Variants in MTCL1 observed in about 807,000 individuals in gnomAD.
The protein encoded by MTCL1 is microtubule cross-linking factor 1.
MTCL1 carries 79 observed loss-of-function variants against 141.4 expected under a neutral mutation model. The ratio of observed to expected loss-of-function variants is 0.56; its 90% CI spans 0.47 to 0.67. The LOEUF (loss-of-function observed/expected upper bound fraction) is 0.67. MTCL1 is among the 30% of genes least tolerant of loss of function. The pLI is 0.00. For missense variants in MTCL1, 2,177 were observed against 2,113.9 expected, an observed-to-expected ratio of 1.03 and a Z score of -0.59; for synonymous variants, 914 against 875.8, an observed-to-expected ratio of 1.04 and a Z score of -0.77.
chr18:8,784,966 A>G (rs1205724336), intron 6 of MTCL1, 123 bp downstream of exon 5: 19 of 813,296 alleles, frequency 2.3e-5, no homozygotes, highest in Admixed American at 2.1e-4. Context: ...CCTGCATTGT[A>G]CTAAAGCCTC....
intron 6 of MTCL1, 52 bp downstream of exon 5, chr18:8,784,895 C>G (rs796643807): frequency 6.8e-7 from 1 of 1,467,078 alleles, no homozygotes; most frequent in South Asian, 1.3e-5. Context: ...CTTCCTCCTT[C>G]TCGCTGGCAT....
At position 8,779,618 on chromosome 18, in the gene MTCL1, G is replaced by C. The variant is rs776221642; in HGVS notation, c.417+1726G>C. Among the ~76,000 whole-genome samples, 2 of 152,078 alleles carry C rather than the reference G, an allele frequency of 1.3e-5. No individual in the cohort carries two copies. The highest frequency in any genetic ancestry group is 2.9e-5 in the Non-Finnish European group (2 of 68,014). On this transcript the variant is annotated intron_variant, in intron 5 of 16. Transcript: ENST00000359865. This position sits in a 1 kb window ranked among gnomAD's most constrained non-coding sequence, Gnocchi z 4.1. ...ACACCCGGCAGGTGCAGCGGGCCCTGCTCCAGCTGCCTCGACCTCACGGAA... is the reference window on the plus strand; with the variant it reads ...ACACCCGGCAGGTGCAGCGGGCCCTCCTCCAGCTGCCTCGACCTCACGGAA...
Position 8,779,219 on chromosome 18 carries a change from C to G in MTCL1, c.417+1327C>G, listed in dbSNP as rs2096524416. On this transcript the variant is annotated intron_variant, in intron 5 of 16. Coordinates refer to ENST00000359865, the Ensembl canonical transcript of MTCL1. This position sits in a 1 kb window ranked among gnomAD's most constrained non-coding sequence, Gnocchi z 4.1. ...ATTTCTGTTGCTTGACAAGGCCTTT[C>G]CCGCTGGTGGTGATGGTGGTGGGCC... Among the ~76,000 whole-genome samples, 1 of 152,152 alleles carries G rather than the reference C, an allele frequency of 6.6e-6. No individual in the cohort carries two copies. Among genetic ancestry groups the G allele is most frequent in the Non-Finnish European group, 1.5e-5 (1 of 68,032 alleles).
At chr18:8,714,149 A>G (rs911853207), upstream of MTCL1, among the ~76,000 whole-genome samples, 2 of 152,204 alleles carry the variant, frequency 1.3e-5, no homozygotes, top group African/African-American at 4.8e-5. Context: ...GTTGAAGCAA[A>G]TAATTTATGG....
intron 5 of MTCL1, chr18:8,782,133 T>C (rs2096534656): frequency 6.6e-6 from 1 of 152,192 alleles, no homozygotes; most frequent in South Asian, 2.1e-4. Flanking sequence ...CGAGCCATGC[T>C]CTCTGAGTGT....
intron 1 of MTCL1, among the ~76,000 whole-genome samples, chr18:8,710,886 T>C (rs1413991105): frequency 4.3e-5 from 3 of 70,534 alleles, no homozygotes; most frequent in African/African-American, 1.6e-4. Flanking sequence ...TTTTTTTTTT[T>C]ACTTTTTTTT....
chr18:8,755,209 C>A (rs573383592), intron 4 of MTCL1, among the ~76,000 whole-genome samples: 1 of 152,228 alleles, frequency 6.6e-6, no homozygotes, highest in African/African-American at 2.4e-5. Context: ...AGGTCACACG[C>A]GTGACAGGAC....
chr18:8,714,970 T>A (rs1011051800), upstream of MTCL1, among the ~76,000 whole-genome samples: 4 of 152,022 alleles, frequency 2.6e-5, no homozygotes, highest in Non-Finnish European at 4.4e-5. Flanking sequence ...CTAATTTTTT[T>A]TATTTTTAGT....
At chr18:8,813,879 A>C (rs966585158) in intron 12 of MTCL1, among the ~76,000 whole-genome samples, 5 of 152,250 alleles carry the variant, frequency 3.3e-5, no homozygotes, top group African/African-American at 1.2e-4. Flanking sequence ...TCTGCATTGC[A>C]TCAGACTTAG....
At position 8,822,436 on chromosome 18, in the gene MTCL1, C is replaced by T. The variant is rs2076876296; in HGVS notation, c.3188+938C>T. Among the ~76,000 whole-genome samples, 1 of 152,192 alleles carries T rather than the reference C, an allele frequency of 6.6e-6. No individual in the cohort carries two copies. Among genetic ancestry groups the T allele is most frequent in the Non-Finnish European group, 1.5e-5 (1 of 68,030 alleles). On this transcript the variant is annotated intron_variant, in intron 14 of 16. Transcript: ENST00000359865. This position sits in a 1 kb window ranked among gnomAD's most constrained non-coding sequence, Gnocchi z 4.6. ...CCTCCCAAGTAGCTGGGATTACAGG[C>T]AAACCCCACCATACCCGGCTAATTT...
chr18:8,744,610 C>T (rs1476398431), intron 4 of MTCL1, among the ~76,000 whole-genome samples: 1 of 151,986 alleles, frequency 6.6e-6, no homozygotes, highest in African/African-American at 2.4e-5. Flanking sequence ...TTTTAATTTT[C>T]TTTTCTTTTC....
chr18:8,764,971 C>T (rs935715824), intron 4 of MTCL1, among the ~76,000 whole-genome samples: 2 of 152,146 alleles, frequency 1.3e-5, no homozygotes, highest in Non-Finnish European at 2.9e-5. Flanking sequence ...ATAAAATGCC[C>T]GGAAGAGTCA....
intron 6 of MTCL1, among the ~76,000 whole-genome samples, 190 bp downstream of exon 5, chr18:8,785,033 T>G (rs2143569757): frequency 6.6e-6 from 1 of 152,062 alleles, no homozygotes; most frequent in Non-Finnish European, 1.5e-5. Flanking sequence ...TTTTTTTTTT[T>G]TTAAGTTCTC....
chr18:8,758,532 G>A (rs2096414165), intron 4 of MTCL1, among the ~76,000 whole-genome samples: 1 of 152,126 alleles, frequency 6.6e-6, no homozygotes. Context: ...CAGTCTTTCA[G>A]GTTGATTAAT....
intron 7 of MTCL1, chr18:8,789,714 G>T: frequency 1.0e-6 from 1 of 985,346 alleles, no homozygotes; most frequent in Non-Finnish European, 1.2e-6. Flanking sequence ...TGTATAATCA[G>T]AATCCTAGGT....
At chr18:8,806,974 G>T in exon 11 of MTCL1, 1 of 1,613,758 alleles carries the variant, frequency 6.2e-7, no homozygotes, top group South Asian at 1.1e-5. Flanking sequence ...GGATGAGCGT[G>T]CCCGACTACG....
At chr18:8,747,985 CA>C in intron 4 of MTCL1, among the ~76,000 whole-genome samples, 1 of 152,308 alleles carries the variant, frequency 6.6e-6, no homozygotes, top group East Asian at 1.9e-4. Flanking sequence ...TTGTCACCCA[CA>C]CACCTAAGCT....
exon 15 of MTCL1, chr18:8,824,709 G>C (rs374469429): frequency 6.2e-7 from 1 of 1,610,998 alleles, no homozygotes; most frequent in Non-Finnish European, 8.5e-7. Flanking sequence ...GGCGGTGTCC[G>C]TGTCCTCCAT....
At chr18:8,739,836 A>G (rs1253837659) in intron 4 of MTCL1, among the ~76,000 whole-genome samples, 2 of 152,252 alleles carry the variant, frequency 1.3e-5, no homozygotes, top group Middle Eastern at 3.4e-3. Flanking sequence ...GGTTCAAGCA[A>G]TCCTCCTGCC....
Sources: allele counts gnomAD v4.1 joint callset (sites outside exome capture counted in the v4.1 genomes callset), GRCh38; gene constraint gnomAD v4.1.1; non-coding constraint Gnocchi (gnomAD v3.1); transcripts MANE v1.5; gene names NCBI Gene and HGNC (gene_info 2026-07-23, HGNC 2026-07-21).